The following ZBTB7C variants were observed in gnomAD, a reference collection of about 807,000 sequenced individuals.
ZBTB7C encodes the protein zinc finger and BTB domain containing 7C.
In ZBTB7C, 8 loss-of-function variants were observed where a neutral mutation model predicts 25.7. That is an observed-to-expected ratio of 0.31 (90% CI 0.18 to 0.56). The LOEUF (loss-of-function observed/expected upper bound fraction) is 0.56. Among genes scored for constraint, ZBTB7C ranks in the 20% least tolerant of loss-of-function variants. The pLI, the probability that ZBTB7C is intolerant of heterozygous loss-of-function variation, is 0.91. For missense variants in ZBTB7C, 824 were observed against 855.2 expected (o/e 0.96, Z 0.46); for synonymous variants, 394 against 369.0 (o/e 1.07, Z -0.78).
At chr18:48,355,125 C>T (rs528849402) in intron 1 of ZBTB7C, among the ~76,000 whole-genome samples, 1 of 152,188 alleles carries the variant, frequency 6.6e-6, no homozygotes, top group Non-Finnish European at 1.5e-5. Context: ...ACAGTGCATT[C>T]AGGTTAGTTA....
chr18:48,120,844 C>G (rs1228703148), intron 3 of ZBTB7C, among the ~76,000 whole-genome samples: 2 of 152,248 alleles, frequency 1.3e-5, no homozygotes, highest in African/African-American at 2.4e-5. Context: ...CAGGCCTTGC[C>G]TGGCTTGCCT....
intron 2 of ZBTB7C, among the ~76,000 whole-genome samples, chr18:48,193,721 C>A (rs1450643243): frequency 6.6e-6 from 1 of 152,192 alleles, no homozygotes; most frequent in Admixed American, 6.5e-5. Flanking sequence ...GGTGGAGAGG[C>A]CAGGATCCAC....
intron 3 of ZBTB7C, among the ~76,000 whole-genome samples, chr18:48,168,309 T>C (rs2041341058): frequency 6.6e-6 from 1 of 152,246 alleles, no homozygotes; most frequent in Admixed American, 6.5e-5. Context: ...ATCTGGAAAC[T>C]GGCAAATTTT....
At chr18:48,389,437 G>A (rs1320793489) in intron 1 of ZBTB7C, among the ~76,000 whole-genome samples, 1 of 145,682 alleles carries the variant, frequency 6.9e-6, no homozygotes, top group Non-Finnish European at 1.5e-5. Flanking sequence ...CCAGAGTCAG[G>A]CCCTTTACTT....
intron 1 of ZBTB7C, among the ~76,000 whole-genome samples, chr18:48,371,895 C>T (rs1398013076): frequency 6.6e-6 from 1 of 152,192 alleles, no homozygotes; most frequent in Non-Finnish European, 1.5e-5. Context: ...CTCCAATCGC[C>T]AGCTGATCAC....
chr18:48,330,687 CTGAG>C (rs2046324202), intron 2 of ZBTB7C, among the ~76,000 whole-genome samples: 1 of 150,018 alleles, frequency 6.7e-6, no homozygotes, highest in African/African-American at 2.4e-5. Flanking sequence ...GAGGGCAGGA[CTGAG>C]TGAGTGTGGG....
intron 2 of ZBTB7C, among the ~76,000 whole-genome samples, chr18:48,245,793 G>A (rs567840732): frequency 3.0e-4 from 45 of 152,246 alleles, no homozygotes; most frequent in African/African-American, 1.0e-3. Flanking sequence ...AATGGTCAAA[G>A]TATCCAGAGA....
rs73431385 is a variant in ZBTB7C, at chr18:48,191,960, C to T, written c.-78-5965G>A. ...CACCCTCAGGTATTTACCAAACGAT[C>T]TGAAAACTTATATCCCCACAAAAAC... On this transcript the variant is annotated intron_variant, in intron 2 of 4. Transcript: ENST00000590800. 9.5e-3 allele frequency among the ~76,000 whole-genome samples: 1,440 copies of T among 152,316 alleles called. 15 individuals are homozygous for T. Among genetic ancestry groups the T allele is most frequent in the African/African-American group, 0.032 (1,338 of 41,566 alleles).
At chr18:48,323,509 C>T (rs1292014531) in intron 2 of ZBTB7C, among the ~76,000 whole-genome samples, 1 of 152,194 alleles carries the variant, frequency 6.6e-6, no homozygotes, top group Admixed American at 6.5e-5. Flanking sequence ...GGGTCTTATC[C>T]ACGGTCTGTA....
intron 3 of ZBTB7C, among the ~76,000 whole-genome samples, chr18:48,073,724 G>A (rs910745052): frequency 8.7e-5 from 13 of 149,952 alleles, no homozygotes; most frequent in Admixed American, 4.6e-4. Flanking sequence ...GCTGGCCTCC[G>A]CCCTGGCTCC....
chr18:48,074,981 C>T (rs191908108), intron 3 of ZBTB7C, among the ~76,000 whole-genome samples: 78 of 152,244 alleles, frequency 5.1e-4, no homozygotes, highest in African/African-American at 1.5e-3. Context: ...TCCTTTGACT[C>T]CTCTAGTTAA....
intron 3 of ZBTB7C, among the ~76,000 whole-genome samples, chr18:48,067,795 A>T (rs960492477): frequency 8.5e-5 from 13 of 152,132 alleles, no homozygotes; most frequent in Non-Finnish European, 1.5e-4. Flanking sequence ...TGAGGTTGGG[A>T]GTTCGAGACC....
chr18:48,159,144 G>T (rs977544870), intron 3 of ZBTB7C, among the ~76,000 whole-genome samples: 2 of 152,144 alleles, frequency 1.3e-5, no homozygotes, highest in Admixed American at 6.5e-5. Context: ...AGAAGCTTCT[G>T]GAAGGGTAGG....
At chr18:48,274,962 G>C (rs1343034715) in intron 2 of ZBTB7C, among the ~76,000 whole-genome samples, 1 of 152,206 alleles carries the variant, frequency 6.6e-6, no homozygotes, top group African/African-American at 2.4e-5. Context: ...CCTGGTCACA[G>C]GCTGCTAATC....
intron 2 of ZBTB7C, among the ~76,000 whole-genome samples, chr18:48,270,708 A>AT (rs201168444): frequency 7.1e-6 from 1 of 141,576 alleles, no homozygotes; most frequent in African/African-American, 2.5e-5. Context: ...AAAAAAAAAA[A>AT]TTTTTATATT....
At chr18:48,047,021 A>AC (rs2036501083) in intron 3 of ZBTB7C, among the ~76,000 whole-genome samples, 1 of 152,140 alleles carries the variant, frequency 6.6e-6, no homozygotes, top group African/African-American at 2.4e-5. Context: ...AACAGATGTA[A>AC]CCATGGTAGC....
At chr18:48,098,357 G>C (rs1317132337) in intron 3 of ZBTB7C, among the ~76,000 whole-genome samples, 1 of 152,146 alleles carries the variant, frequency 6.6e-6, no homozygotes, top group African/African-American at 2.4e-5. Context: ...GGGTCTCAGA[G>C]GCCTTTCTCA....
intron 3 of ZBTB7C, among the ~76,000 whole-genome samples, chr18:48,159,481 C>T (rs1279596514): frequency 1.3e-5 from 2 of 152,156 alleles, no homozygotes; most frequent in Admixed American, 1.3e-4. Context: ...AATTCATCAT[C>T]ACAAGAAAGT....
intron 4 of ZBTB7C, among the ~76,000 whole-genome samples, chr18:48,037,888 T>C (rs757798357): frequency 6.6e-6 from 1 of 152,234 alleles, no homozygotes; most frequent in Non-Finnish European, 1.5e-5. Flanking sequence ...TAAAGTCATA[T>C]GCAGGGGCTG....
Sources: gnomAD v4.1 joint callset for allele counts (sites outside exome capture counted in the v4.1 genomes callset) on GRCh38, gnomAD v4.1.1 for gene constraint, MANE v1.5 for transcripts, NCBI Gene and HGNC (gene_info 2026-07-23, HGNC 2026-07-21) for gene names.